Variants in AGBL1 observed in about 807,000 individuals in gnomAD.
AGBL1 encodes AGBL carboxypeptidase 1.
AGBL1 carries 130 observed loss-of-function variants against 118.9 expected under a neutral mutation model. The ratio of observed to expected loss-of-function variants is 1.09; its 90% CI spans 0.95 to 1.26. The LOEUF (loss-of-function observed/expected upper bound fraction) is 1.26. Ranked by LOEUF, AGBL1 falls within the 50% of genes most tolerant of loss-of-function variation. AGBL1 has a pLI of 0.00. For missense variants in AGBL1, 1,584 were observed against 1,298.1 expected (o/e 1.22, Z -3.38); for synonymous variants, 555 against 478.9 (o/e 1.16, Z -2.08).
rs531282341 is a variant in AGBL1, at chr15:86,186,357, C to T, written c.488+27331C>T. On this transcript the variant is annotated intron_variant, in intron 5 of 22. Transcript: ENST00000614907. ...ACCTGCATATCTTGCACATGTATCC[C>T]GGAACTTAAAATAAAAGTTGAAGAA... Among the ~76,000 whole-genome samples, 88 of 152,202 alleles carry T rather than the reference C, an allele frequency of 5.8e-4. 1 individual carries two copies. The highest frequency in any genetic ancestry group is 2.0e-3 in the African/African-American group (82 of 41,506).
At chr15:86,843,839 A>G (rs1406360145) in intron 22 of AGBL1, among the ~76,000 whole-genome samples, 1 of 152,184 alleles carries the variant, frequency 6.6e-6, no homozygotes, top group Non-Finnish European at 1.5e-5. Flanking sequence ...CAGTTTTAGA[A>G]TACAGTATTA....
intron 23 of AGBL1, among the ~76,000 whole-genome samples, chr15:86,935,798 C>T (rs1252635140): frequency 6.6e-6 from 1 of 152,152 alleles, no homozygotes; most frequent in Admixed American, 6.5e-5. Flanking sequence ...CTCAAGGTGA[C>T]AATTGTATGT....
At chr15:86,089,765 T>C (rs988030397) in intron 1 of AGBL1, among the ~76,000 whole-genome samples, 1 of 152,126 alleles carries the variant, frequency 6.6e-6, no homozygotes, top group African/African-American at 2.4e-5. Context: ...AAAGACAGAA[T>C]TAAGCCAACC....
chr15:86,271,556 C>T, intron 14 of AGBL1, 63 bp from the exon 15 acceptor site: 1 of 1,262,484 alleles, frequency 7.9e-7, no homozygotes, highest in Non-Finnish European at 1.2e-6. Context: ...ATGTGGGGGT[C>T]ATTATTTGGC....
chr15:86,655,348 C>T (rs1027003109), intron 21 of AGBL1, among the ~76,000 whole-genome samples: 24 of 152,220 alleles, frequency 1.6e-4, no homozygotes, highest in African/African-American at 4.1e-4. Flanking sequence ...CAATTGACTC[C>T]GGCTTCTATT....
intron 17 of AGBL1, among the ~76,000 whole-genome samples, chr15:86,371,317 A>G (rs2080967557): frequency 6.6e-6 from 1 of 152,196 alleles, no homozygotes; most frequent in Non-Finnish European, 1.5e-5. Flanking sequence ...GAGCAAAGTC[A>G]GTTTGAAGGA....
intron 18 of AGBL1, among the ~76,000 whole-genome samples, chr15:86,494,429 A>G (rs1309930170): frequency 1.3e-5 from 2 of 152,030 alleles, no homozygotes; most frequent in Non-Finnish European, 2.9e-5. Context: ...AAGAAAGTTG[A>G]CTATGGAGTA....
chr15:86,311,479 G>T (rs191552787), intron 17 of AGBL1, among the ~76,000 whole-genome samples: 6 of 152,086 alleles, frequency 3.9e-5, no homozygotes, highest in Non-Finnish European at 7.3e-5. Context: ...AAAAGAATAC[G>T]CTTTCTTTTA....
chr15:86,748,366 A>G (rs1318734053), intron 22 of AGBL1, among the ~76,000 whole-genome samples: 1 of 151,722 alleles, frequency 6.6e-6, no homozygotes, highest in African/African-American at 2.4e-5. Flanking sequence ...TTCTTTGTGG[A>G]TTCTGGATAT....
chr15:86,232,173 G>A (rs1348007731), intron 6 of AGBL1, among the ~76,000 whole-genome samples: 1 of 152,180 alleles, frequency 6.6e-6, no homozygotes, highest in African/African-American at 2.4e-5. Context: ...AAAATGTTAT[G>A]TCTTTTGCAT....
At chr15:86,085,464 G>A (rs141724321) in intron 1 of AGBL1, among the ~76,000 whole-genome samples, 5 of 152,286 alleles carry the variant, frequency 3.3e-5, no homozygotes, top group African/African-American at 1.2e-4. Flanking sequence ...CTATTCCTGC[G>A]TGTGAGTGGT....
chr15:86,903,593 A>G (rs1035333868), intron 22 of AGBL1, among the ~76,000 whole-genome samples: 2 of 152,166 alleles, frequency 1.3e-5, no homozygotes, highest in African/African-American at 4.8e-5. Flanking sequence ...GTATTATCCT[A>G]TGAGGCTATG....
rs577892977 is a variant in AGBL1, at chr15:86,837,405, C to T, written c.3159-69682C>T. ...AGCAAGGGTCACCAAATTACAGCCTCCAGGCCAAATTTGGCTCACCCCCTA... is the reference window on the plus strand; with the variant it reads ...AGCAAGGGTCACCAAATTACAGCCTTCAGGCCAAATTTGGCTCACCCCCTA... On this transcript the variant is annotated intron_variant, in intron 22 of 22. Transcript: ENST00000614907. Among the ~76,000 whole-genome samples, 7 of 152,246 alleles carry T rather than the reference C, an allele frequency of 4.6e-5. No individual in the cohort carries two copies. In the South Asian group the frequency reaches 1.0e-3, roughly 23 times the overall value.
At chr15:86,233,204 C>G (rs919860328) in intron 6 of AGBL1, among the ~76,000 whole-genome samples, 4 of 152,166 alleles carry the variant, frequency 2.6e-5, no homozygotes, top group African/African-American at 9.7e-5. Flanking sequence ...AGTCAGGAAA[C>G]TGGACTCTGG....
In AGBL1 at chr15:86,952,169, T is replaced by G. The variant is rs1268907641; in HGVS notation, c.3222-35818T>G. On this transcript the variant is annotated intron_variant, in intron 23 of 24. Coordinates refer to the AGBL1 transcript ENST00000441037. ...TCACTTGAAAGCAGCAGACAGAGTT[T>G]GCAGTGAGCCGAGATCACGCTGCTG... Among the ~76,000 whole-genome samples, 4 of 151,666 alleles carry G rather than the reference T, an allele frequency of 2.6e-5. No homozygotes were observed. In the East Asian group the frequency reaches 7.8e-4, roughly 29 times the overall value.
At chr15:86,711,558 C>A (rs2086557174) in intron 22 of AGBL1, among the ~76,000 whole-genome samples, 1 of 152,178 alleles carries the variant, frequency 6.6e-6, no homozygotes, top group African/African-American at 2.4e-5. Context: ...CTAGCCCTTA[C>A]AGTTGCTAAT....
chr15:86,160,795 C>T (rs2077257265), intron 5 of AGBL1, among the ~76,000 whole-genome samples: 1 of 152,152 alleles, frequency 6.6e-6, no homozygotes, highest in Non-Finnish European at 1.5e-5. Context: ...TCAGTCTTCT[C>T]CTCTGCCACT....
At chr15:86,574,832 C>T (rs2084063015) in intron 21 of AGBL1, among the ~76,000 whole-genome samples, 1 of 150,594 alleles carries the variant, frequency 6.6e-6, no homozygotes, top group African/African-American at 2.4e-5. Context: ...CCGTCCTTGG[C>T]CTCCCAAAGT....
rs1357206041 is a variant in AGBL1 at position 86,825,883 on chromosome 15, GGATGGATA to G, written c.3159-81200_3159-81193del. Among the ~76,000 whole-genome samples the G allele has an allele frequency of 6.1e-3, 697 of 114,784 alleles. 6 individuals are homozygous for G. The highest frequency in any genetic ancestry group is 0.014 in the Middle Eastern group (3 of 216). 75.3% of individuals were successfully genotyped at this position (114,784 alleles called of 152,430 possible). A position where few individuals can be genotyped will look rare whatever the true frequency, so the allele number is the denominator to read the frequency against. ...GGTAGAAATGTGACAGATGATAGAT[GGATGGATA>G]GATAGATAGATAGATAGATAGATAG... is the stretch of plus-strand genomic sequence containing the variant. On this transcript the variant is annotated intron_variant, in intron 22 of 22. Coordinates refer to ENST00000614907, the MANE Select transcript of AGBL1 (RefSeq NM_001386094.1).
Sources: gnomAD v4.1 joint callset for allele counts (sites outside exome capture counted in the v4.1 genomes callset) on GRCh38, gnomAD v4.1.1 for gene constraint, MANE v1.5 for transcripts, NCBI Gene and HGNC (gene_info 2026-07-23, HGNC 2026-07-21) for gene names.